Variants in CCSER1 observed in about 807,000 individuals in gnomAD.
The protein encoded by CCSER1 is coiled-coil serine rich protein 1, also known as serine-rich coiled-coil domain-containing protein 1.
Under a neutral mutation model 82.0 loss-of-function variants are expected in CCSER1, and 41 were observed. The ratio of observed to expected loss-of-function variants is 0.50; its 90% CI spans 0.39 to 0.65. The LOEUF is 0.65. Among genes scored for constraint, CCSER1 ranks in the 30% least tolerant of loss-of-function variants. CCSER1 has a pLI of 0.00. For missense variants in CCSER1, 1,119 were observed against 1,064.2 expected, an observed-to-expected ratio of 1.05 and a Z score of -0.72; for synonymous variants, 414 against 383.9, an observed-to-expected ratio of 1.08 and a Z score of -0.92.
chr4:90,411,888 A>C (rs1754904372), intron 4 of CCSER1, among the ~76,000 whole-genome samples: 1 of 152,144 alleles, frequency 6.6e-6, no homozygotes, highest in African/African-American at 2.4e-5. Flanking sequence ...GTCTCAGCCC[A>C]AAATCTCCTT....
At chr4:91,114,134 G>A (rs1169527652) in intron 10 of CCSER1, among the ~76,000 whole-genome samples, 2 of 152,192 alleles carry the variant, frequency 1.3e-5, no homozygotes, top group African/African-American at 4.8e-5. Context: ...TTACAGGCTT[G>A]AGCCACCATG....
At chr4:90,344,469 CTG>C (rs1404402423) in intron 3 of CCSER1, among the ~76,000 whole-genome samples, 3 of 151,948 alleles carry the variant, frequency 2.0e-5, no homozygotes, top group African/African-American at 7.2e-5. Context: ...AATGTAGAGA[CTG>C]TGTGGTACAG....
intron 10 of CCSER1, among the ~76,000 whole-genome samples, chr4:91,302,007 GTTTA>G (rs1451843002): frequency 6.8e-6 from 1 of 146,108 alleles, no homozygotes; most frequent in Non-Finnish European, 1.5e-5. Context: ...TTTTTCCCTT[GTTTA>G]TTTCTTTCTT....
chr4:90,641,456 A>G (rs1355218315), intron 6 of CCSER1, among the ~76,000 whole-genome samples: 1 of 152,040 alleles, frequency 6.6e-6, no homozygotes, highest in Admixed American at 6.6e-5. Context: ...ATTTTCTTAC[A>G]TTTTTTCAAA....
chr4:90,658,956 T>TAC (rs1298787256), intron 6 of CCSER1, among the ~76,000 whole-genome samples: 1 of 152,166 alleles, frequency 6.6e-6, no homozygotes, highest in African/African-American at 2.4e-5. Flanking sequence ...ATGTACTGTA[T>TAC]ACACACACAT....
chr4:91,192,952 A>G (rs1295850106), intron 10 of CCSER1, among the ~76,000 whole-genome samples: 1 of 152,104 alleles, frequency 6.6e-6, no homozygotes, highest in African/African-American at 2.4e-5. Context: ...CCCTCATGTC[A>G]ACCTCCCACA....
chr4:90,426,900 A>AT (rs1757599155), intron 4 of CCSER1, among the ~76,000 whole-genome samples: 1 of 152,050 alleles, frequency 6.6e-6, no homozygotes, highest in African/African-American at 2.4e-5. Flanking sequence ...GTTCTGAACC[A>AT]TTTTCTCAAT....
chr4:90,482,671 G>C (rs572899507), intron 5 of CCSER1, among the ~76,000 whole-genome samples: 4 of 152,280 alleles, frequency 2.6e-5, no homozygotes, highest in Non-Finnish European at 4.4e-5. Context: ...TTTCCATGTA[G>C]TTGAGCGGTT....
intron 1 of CCSER1, among the ~76,000 whole-genome samples, chr4:90,229,431 G>T (rs570011714): frequency 6.6e-6 from 1 of 152,070 alleles, no homozygotes; most frequent in Non-Finnish European, 1.5e-5. Context: ...GAGAGATTTT[G>T]TCACCACGAG....
At chr4:90,642,956 G>A (rs1310511370) in intron 6 of CCSER1, among the ~76,000 whole-genome samples, 1 of 151,184 alleles carries the variant, frequency 6.6e-6, no homozygotes, top group Non-Finnish European at 1.5e-5. Flanking sequence ...TGATAAAATA[G>A]AAATGAGTCA....
chr4:90,636,538 T>A (rs527324030), intron 6 of CCSER1, among the ~76,000 whole-genome samples: 8 of 151,980 alleles, frequency 5.3e-5, no homozygotes, highest in Non-Finnish European at 1.2e-4. Context: ...TTCATTCCAG[T>A]TTTTTTAGCA....
chr4:90,188,884 T>C (rs1251455953), intron 1 of CCSER1, among the ~76,000 whole-genome samples: 1 of 151,976 alleles, frequency 6.6e-6, no homozygotes, highest in Non-Finnish European at 1.5e-5. Context: ...AGACTATTAC[T>C]ATGGGAATAG....
At chr4:91,520,286 A>G (rs1309553075) in intron 10 of CCSER1, among the ~76,000 whole-genome samples, 6 of 146,882 alleles carry the variant, frequency 4.1e-5, no homozygotes, top group Non-Finnish European at 7.4e-5. Context: ...ATTAACTTCA[A>G]TAGTATACAA....
intron 3 of CCSER1, among the ~76,000 whole-genome samples, chr4:90,324,783 C>G (rs184610188): frequency 6.6e-6 from 1 of 152,208 alleles, no homozygotes; most frequent in African/African-American, 2.4e-5. Flanking sequence ...AGGTTTTCTT[C>G]TAGGGTTTTT....
intron 10 of CCSER1, among the ~76,000 whole-genome samples, chr4:91,593,536 TC>T (rs1328961133): frequency 1.4e-5 from 2 of 145,910 alleles, no homozygotes; most frequent in Non-Finnish European, 3.0e-5. Context: ...ATGGTCTTGA[TC>T]TCTTGACCTC....
intron 10 of CCSER1, among the ~76,000 whole-genome samples, chr4:91,165,235 C>T (rs1236958860): frequency 6.6e-6 from 1 of 152,168 alleles, no homozygotes; most frequent in Non-Finnish European, 1.5e-5. Flanking sequence ...CCACTCCAGA[C>T]CCTGTTTGCC....
Position 90,630,868 on chromosome 4 carries a change from G to GATTATTATT in CCSER1, c.1932+2670_1932+2678dup, listed in dbSNP as rs71596533. Among the ~76,000 whole-genome samples the GATTATTATT allele has an allele frequency of 5.6e-3, 803 of 143,328 alleles. 7 individuals carry two copies. The highest frequency in any genetic ancestry group is 0.015 in the Middle Eastern group (4 of 272). The allele number at this position is 143,328 out of a possible 152,430, so 94.0% of individuals were successfully genotyped here. On this transcript the variant is annotated intron_variant, in intron 6 of 10. Transcript: ENST00000509176. The stretch of plus-strand genomic sequence containing the variant: ...CACAATCGTTCAATCTTTGTTCACA[G>GATTATTATT]ATTATTATTATTATTATTATTATTA...
At chr4:91,021,462 G>GT (rs1419565865) in intron 9 of CCSER1, among the ~76,000 whole-genome samples, 3 of 152,014 alleles carry the variant, frequency 2.0e-5, no homozygotes, top group Non-Finnish European at 4.4e-5. Context: ...TTTAAAAATA[G>GT]TTTTTTTAAT....
chr4:90,992,804 C>T (rs1004112523), intron 9 of CCSER1, among the ~76,000 whole-genome samples: 2 of 151,932 alleles, frequency 1.3e-5, no homozygotes, highest in African/African-American at 4.8e-5. Context: ...CAAAGTATGA[C>T]TTACTTTGCT....
Sources: gnomAD v4.1 joint callset for allele counts (sites outside exome capture counted in the v4.1 genomes callset) on GRCh38, gnomAD v4.1.1 for gene constraint, MANE v1.5 for transcripts, NCBI Gene and HGNC (gene_info 2026-07-23, HGNC 2026-07-21) for gene names.